The following ASB3 variants were observed in gnomAD, a reference collection of about 807,000 sequenced individuals.
ASB3 encodes the protein ankyrin repeat and SOCS box protein 3.
A neutral mutation model predicts 54.5 loss-of-function variants in ASB3; 41 were observed. The observed-to-expected ratio is 0.75, with a 90% confidence interval of 0.59 to 0.98. The LOEUF is 0.98. Among genes scored for constraint, ASB3 ranks in the 50% least tolerant of loss-of-function variants. The probability of loss-of-function intolerance (pLI) is 0.00; values close to 1 mark genes in which losing one functional copy is unlikely to be tolerated. For synonymous variants in ASB3, 266 were observed against 221.2 expected (o/e 1.20, Z -1.80); for missense variants, 733 against 620.0 (o/e 1.18, Z -1.94).
At chr2:53,682,022 T>G (rs530548015) in intron 9 of ASB3, among the ~76,000 whole-genome samples, 2 of 151,906 alleles carry the variant, frequency 1.3e-5, no homozygotes, top group Non-Finnish European at 2.9e-5. Flanking sequence ...TAGCCAGGCA[T>G]GGTGGCACAT....
intron 7 of ASB3, among the ~76,000 whole-genome samples, chr2:53,701,065 C>T (rs1304563638): frequency 6.6e-6 from 1 of 152,132 alleles, no homozygotes; most frequent in Non-Finnish European, 1.5e-5. Flanking sequence ...AACTGAACTC[C>T]TGGGCTCCAG....
At chr2:53,711,821 C>T (rs1397350472) in intron 7 of ASB3, among the ~76,000 whole-genome samples, 1 of 151,948 alleles carries the variant, frequency 6.6e-6, no homozygotes, top group Non-Finnish European at 1.5e-5. Flanking sequence ...ATGTGGGTCA[C>T]TTCACCAAGT....
intron 7 of ASB3, among the ~76,000 whole-genome samples, chr2:53,702,183 G>A (rs1312727745): frequency 6.6e-6 from 1 of 152,002 alleles, no homozygotes; most frequent in African/African-American, 2.4e-5. Context: ...ATCCCAAAAG[G>A]CTTATAAAAC....
intron 1 of ASB3, among the ~76,000 whole-genome samples, chr2:53,778,920 A>T (rs887995657): frequency 6.6e-6 from 1 of 152,208 alleles, no homozygotes; most frequent in Non-Finnish European, 1.5e-5. Flanking sequence ...GGATTGCTGG[A>T]TCATATGGTA....
intron 6 of ASB3, 102 bp downstream of exon 6, chr2:53,716,464 A>C: frequency 7.1e-7 from 1 of 1,409,464 alleles, no homozygotes; most frequent in Non-Finnish European, 9.6e-7. Flanking sequence ...TAGGGAAGAG[A>C]ATATCAAAGA....
At chr2:53,705,373 G>A (rs1669712867) in intron 7 of ASB3, among the ~76,000 whole-genome samples, 1 of 152,098 alleles carries the variant, frequency 6.6e-6, no homozygotes, top group African/African-American at 2.4e-5. Flanking sequence ...AAATTTCTAA[G>A]AGATGCAAAA....
chr2:53,781,466 G>T lies in ASB3; in HGVS notation c.-14+5355C>A, dbSNP rs17039530. 3.7e-3 allele frequency among the ~76,000 whole-genome samples: 560 copies of T among 150,176 alleles called. 19 individuals carry two copies. In the East Asian group the frequency reaches 0.071, roughly 19 times the overall value. The stretch of plus-strand genomic sequence containing the variant: ...AGTTATCTCATTTTGTACCTCCATT[G>T]GTAGGGCTTAACCCCTTTGAGATTC... On this transcript the variant is annotated intron_variant, in intron 1 of 9. Transcript: ENST00000263634.
At position 53,755,505 on chromosome 2, in the gene ASB3, GATGACAAATTTACT is replaced by G. The variant is rs572081796; in HGVS notation, c.197-4578_197-4565del. Reference sequence around the variant, plus strand: ...TTTCTCAACAGCTGAGCCAGAATTTGATGACAAATTTACTATGTGCCAATCACAAGTGTAATAAA... The same window carrying G: ...TTTCTCAACAGCTGAGCCAGAATTTGATGTGCCAATCACAAGTGTAATAAA... On this transcript the variant is annotated intron_variant, in intron 2 of 9. Coordinates refer to ENST00000263634, the MANE Select transcript of ASB3 (RefSeq NM_016115.5). Among the ~76,000 whole-genome samples the G allele has an allele frequency of 9.7e-4, 148 of 152,344 alleles. 1 individual carries two copies. The highest frequency in any genetic ancestry group is 3.1e-3 in the African/African-American group (127 of 41,574).
rs142264311 is a variant in ASB3, at chr2:53,759,630, G to C, written c.196+5747C>G. On this transcript the variant is annotated intron_variant, in intron 2 of 9. Transcript: ENST00000263634. The stretch of plus-strand genomic sequence containing the variant: ...CATGGTCTTCAGGCAAATGGACTTT[G>C]AAGGCTCTGGAACAGGGAAAGGCTG... Among the ~76,000 whole-genome samples, 36 of 152,268 alleles carry C rather than the reference G, an allele frequency of 2.4e-4. No individual in the cohort carries two copies. In the East Asian group the frequency reaches 6.2e-3, roughly 26 times the overall value.
At chr2:53,742,527 A>G (rs1455895478) in intron 3 of ASB3, among the ~76,000 whole-genome samples, 2 of 152,242 alleles carry the variant, frequency 1.3e-5, no homozygotes, top group African/African-American at 4.8e-5. Flanking sequence ...ATTTTAAAAA[A>G]GAAGTTAAGG....
chr2:53,701,065 C>G (rs1304563638), intron 7 of ASB3, among the ~76,000 whole-genome samples: 2 of 152,132 alleles, frequency 1.3e-5, no homozygotes, highest in Non-Finnish European at 2.9e-5. Context: ...AACTGAACTC[C>G]TGGGCTCCAG....
intron 9 of ASB3, among the ~76,000 whole-genome samples, chr2:53,673,617 G>C (rs1401754785): frequency 1.3e-5 from 2 of 152,144 alleles, no homozygotes; most frequent in Non-Finnish European, 2.9e-5. Flanking sequence ...CCACTGAGAT[G>C]TGGCACATCA....
chr2:53,710,097 A>C (rs531632764), intron 7 of ASB3, among the ~76,000 whole-genome samples: 271 of 152,202 alleles, frequency 1.8e-3, no homozygotes, highest in Non-Finnish European at 2.8e-3. Context: ...TAATGCAACT[A>C]TAAGAGAAAC....
chr2:53,672,604 C>T (rs954172828), intron 9 of ASB3, among the ~76,000 whole-genome samples: 1 of 152,190 alleles, frequency 6.6e-6, no homozygotes, highest in Non-Finnish European at 1.5e-5. Context: ...GTGACCACAA[C>T]AACCATACAT....
chr2:53,680,871 T>C (rs929882059), intron 9 of ASB3, among the ~76,000 whole-genome samples: 3 of 151,760 alleles, frequency 2.0e-5, no homozygotes, highest in Non-Finnish European at 2.9e-5. Context: ...TCACCAACCA[T>C]CCCCACCTCT....
At chr2:53,783,186 A>AT (rs1400445296) in intron 1 of ASB3, among the ~76,000 whole-genome samples, 1 of 152,164 alleles carries the variant, frequency 6.6e-6, no homozygotes, top group Non-Finnish European at 1.5e-5. Flanking sequence ...TTTAAAAGTT[A>AT]TAAGTGTTAT....
At chr2:53,674,158 T>A (rs749060977) in intron 9 of ASB3, among the ~76,000 whole-genome samples, 15 of 152,206 alleles carry the variant, frequency 9.9e-5, no homozygotes, top group Non-Finnish European at 1.9e-4. Flanking sequence ...ATGTAAAACA[T>A]ACTTTCATGA....
chr2:53,712,595 G>T (rs1401671007), intron 7 of ASB3, among the ~76,000 whole-genome samples: 2 of 152,168 alleles, frequency 1.3e-5, no homozygotes, highest in Non-Finnish European at 2.9e-5. Flanking sequence ...AGGTGTTTCA[G>T]AGTTAACAGG....
chr2:53,765,274 A>G lies in ASB3; in HGVS notation c.196+103T>C. 4.8e-6 allele frequency: 7 copies of G among 1,472,162 alleles called. No homozygotes were observed. The South Asian group carries it at 6.6e-5, about 14-fold the overall frequency. The allele number at this position is 1,472,162 out of a possible 1,614,324, so 91.2% of individuals were successfully genotyped here. A position where few individuals can be genotyped will look rare whatever the true frequency, so the allele number is the denominator to read the frequency against. Reference sequence around the variant, plus strand: ...TCAGGCAGTTATTTTATGACTATAGAAAGGGAAACAAATACTACTGTTAAT... The same window carrying G: ...TCAGGCAGTTATTTTATGACTATAGGAAGGGAAACAAATACTACTGTTAAT... On this transcript the variant is annotated intron_variant, in intron 2 of 9. Transcript: ENST00000263634.
Sources: allele counts gnomAD v4.1 joint callset (sites outside exome capture counted in the v4.1 genomes callset), GRCh38; gene constraint gnomAD v4.1.1; transcripts MANE v1.5; gene names NCBI Gene and HGNC (gene_info 2026-07-23, HGNC 2026-07-21).